Variants in ZSWIM5 observed in about 807,000 individuals in gnomAD.
ZSWIM5 encodes zinc finger SWIM domain-containing protein 5.
A neutral mutation model predicts 119.6 loss-of-function variants in ZSWIM5; 55 were observed. The ratio of observed to expected loss-of-function variants is 0.46; its 90% CI spans 0.37 to 0.58. ZSWIM5 has a LOEUF of 0.58. ZSWIM5 is among the 20% of genes least tolerant of loss of function. The pLI is 0.00. For synonymous variants in ZSWIM5, 537 were observed against 606.9 expected (o/e 0.88, Z 1.69); for missense variants, 1,193 against 1,512.8 (o/e 0.79, Z 3.51).
chr1:45,183,190 T>C (rs1276124504), intron 1 of ZSWIM5, among the ~76,000 whole-genome samples: 1 of 151,224 alleles, frequency 6.6e-6, no homozygotes, highest in Admixed American at 6.6e-5. Context: ...AAGATGTTCT[T>C]TGAAACCAAC....
intron 1 of ZSWIM5, among the ~76,000 whole-genome samples, chr1:45,194,936 G>T (rs949326966): frequency 6.6e-6 from 1 of 151,248 alleles, no homozygotes; most frequent in African/African-American, 2.4e-5. Flanking sequence ...AATCTTTATT[G>T]CAATATTAGA....
In ZSWIM5 at chr1:45,206,360, C is replaced by T; in HGVS notation, c.-10G>A. 7.2e-7 allele frequency: 1 copy of T among 1,384,566 alleles called. No individual in the cohort carries two copies. Among genetic ancestry groups the T allele is most frequent in the Non-Finnish European group, 9.3e-7 (1 of 1,069,962 alleles). The allele number at this position is 1,384,566 out of a possible 1,614,324, so 85.8% of individuals were successfully genotyped here. ...CACCTCCGTCCGCCATTGCTGGGGA[C>T]TGACTGACTGACTGAGGCGGCGGCG... On this transcript the variant is annotated 5_prime_UTR_variant, in exon 1 of 14. Coordinates refer to ENST00000359600, the MANE Select transcript of ZSWIM5 (RefSeq NM_020883.2).
chr1:45,111,380 G>A (rs1645516756), intron 1 of ZSWIM5, among the ~76,000 whole-genome samples: 1 of 152,204 alleles, frequency 6.6e-6, no homozygotes, highest in Non-Finnish European at 1.5e-5. Flanking sequence ...AACAGCAGTG[G>A]GAAGGCCTGG....
intron 2 of ZSWIM5, among the ~76,000 whole-genome samples, chr1:45,074,037 T>C (rs867088106): frequency 9.9e-5 from 15 of 152,154 alleles, no homozygotes; most frequent in South Asian, 2.1e-4. Flanking sequence ...ATCATATTGA[T>C]TGATTTCCAT....
rs180997117 is a variant in ZSWIM5 at position 45,056,159 on chromosome 1, T to G, written c.1252+2450A>C. 1.1e-4 allele frequency among the ~76,000 whole-genome samples: 16 copies of G among 152,032 alleles called. 1 individual carries two copies. Among genetic ancestry groups the G allele is most frequent in the Admixed American group, 9.8e-4 (15 of 15,260 alleles). Reference sequence around the variant, plus strand: ...CAACTGGAGTGGGCTCAAGAAAGAATGGAGGGGAGCAAATGGAAAGAGTGA... The same window carrying G: ...CAACTGGAGTGGGCTCAAGAAAGAAGGGAGGGGAGCAAATGGAAAGAGTGA... On this transcript the variant is annotated intron_variant, in intron 4 of 13. Coordinates refer to ENST00000359600, the MANE Select transcript of ZSWIM5 (RefSeq NM_020883.2).
At chr1:45,140,623 G>A (rs1292531677) in intron 1 of ZSWIM5, among the ~76,000 whole-genome samples, 1 of 152,114 alleles carries the variant, frequency 6.6e-6, no homozygotes, top group Non-Finnish European at 1.5e-5. Context: ...AATAAAAAAG[G>A]CAGAAATTAT....
At position 45,051,302 on chromosome 1, in the gene ZSWIM5, G is replaced by T. The variant is rs768731712; in HGVS notation, c.1253-49C>A. The T allele has an allele frequency of 2.7e-6, 4 of 1,492,328 alleles. No homozygotes were observed. In the East Asian group the frequency reaches 7.2e-5, roughly 27 times the overall value. The allele number at this position is 1,492,328 out of a possible 1,614,324, so 92.4% of individuals were successfully genotyped here. A position where few individuals can be genotyped will look rare whatever the true frequency, so the allele number is the denominator to read the frequency against. On this transcript the variant is annotated intron_variant, in intron 4 of 13. Transcript: ENST00000359600. ...TCTTAACATCTCTCCTTTGATGTGT[G>T]TGTAAGCCTTAATGTTTCAGTTTCA... is the stretch of plus-strand genomic sequence containing the variant.
intron 1 of ZSWIM5, among the ~76,000 whole-genome samples, chr1:45,112,043 A>C (rs921366146): frequency 4.6e-5 from 7 of 152,194 alleles, no homozygotes; most frequent in Admixed American, 2.0e-4. Flanking sequence ...ACACACCATA[A>C]TTGCACATAT....
chr1:45,129,729 T>A (rs1192581234), intron 1 of ZSWIM5, among the ~76,000 whole-genome samples: 1 of 152,084 alleles, frequency 6.6e-6, no homozygotes, highest in East Asian at 1.9e-4. Flanking sequence ...CAAAAAATAA[T>A]ACAAGTAATA....
chr1:45,121,732 ATG>A (rs1352214885), intron 1 of ZSWIM5, among the ~76,000 whole-genome samples: 7 of 151,200 alleles, frequency 4.6e-5, no homozygotes, highest in Admixed American at 6.6e-5. Context: ...AGCTAGGACT[ATG>A]GGTATGTGTC....
In ZSWIM5 at chr1:45,160,580, C is replaced by T. The variant is rs1645857307; in HGVS notation, c.595+45176G>A. Among the ~76,000 whole-genome samples the T allele has an allele frequency of 2.0e-5, 3 of 152,000 alleles. No individual in the cohort carries two copies. The South Asian group carries it at 6.2e-4, about 31-fold the overall frequency. ...TGCTTAATACGATGACCTCCAGCTG[C>T]ACCCATGTTGCTGCAAGTGACAAGA... On this transcript the variant is annotated intron_variant, in intron 1 of 13. Coordinates refer to ENST00000359600, the MANE Select transcript of ZSWIM5 (RefSeq NM_020883.2).
chr1:45,118,737 C>CA (rs60441320), intron 1 of ZSWIM5, among the ~76,000 whole-genome samples: 1,065 of 95,024 alleles, frequency 0.011, 10 homozygotes, highest in East Asian at 0.027. Flanking sequence ...GAACCTGTCT[C>CA]AAAAAAAAAA....
chr1:45,018,968 C>T lies in ZSWIM5; in HGVS notation c.3044G>A (p.Arg1015His), dbSNP rs765952910. Residue 1015 changes from arginine (R) to histidine (H), a missense_variant, in exon 14 of 14, where the codon CGT becomes CAT. Transcript: ENST00000359600. This position sits in a 1 kb window ranked among gnomAD's most constrained non-coding sequence, Gnocchi z 6.7. ...GGCCAATGAGGCCAGCTTGAAGGCA[C>T]GTAGCGGGTAGCCACGGAGCTCCAT... ...RYMELRGYPL[R>H]AFKLASLAMS... The T allele has an allele frequency of 1.9e-5, 30 of 1,614,086 alleles. No individual in the cohort carries two copies. The highest frequency in any genetic ancestry group is 1.7e-4 in the Admixed American group (10 of 60,010).
intron 2 of ZSWIM5, among the ~76,000 whole-genome samples, chr1:45,065,516 T>C (rs1645177749): frequency 6.6e-6 from 1 of 152,146 alleles, no homozygotes; most frequent in Non-Finnish European, 1.5e-5. Flanking sequence ...AGTTTATAAA[T>C]ACCTAGTGTA....
chr1:45,205,610 A>G (rs1646183076), intron 1 of ZSWIM5, 146 bp downstream of exon 1: 17 of 838,436 alleles, frequency 2.0e-5, no homozygotes, highest in Non-Finnish European at 2.8e-5. Context: ...GAAAGGTTGA[A>G]AAAAGTTTTT....
Position 45,166,435 on chromosome 1 carries a change from T to C in ZSWIM5, c.595+39321A>G, listed in dbSNP as rs549744520. Among the ~76,000 whole-genome samples the C allele has an allele frequency of 2.0e-5, 3 of 152,018 alleles. No individual in the cohort carries two copies. The South Asian group carries it at 6.2e-4, about 32-fold the overall frequency. On this transcript the variant is annotated intron_variant, in intron 1 of 13. Coordinates refer to ENST00000359600, the MANE Select transcript of ZSWIM5 (RefSeq NM_020883.2). ...AGACAGGGATGCCCTCTCTCACCAC[T>C]CCTATTCAACATAGTGTTGGAAGTT...
chr1:45,143,926 T>C (rs1258447457), intron 1 of ZSWIM5, among the ~76,000 whole-genome samples: 3 of 150,966 alleles, frequency 2.0e-5, no homozygotes, highest in East Asian at 1.9e-4. Context: ...TATTTAGGTA[T>C]AAGTCTAACA....
chr1:45,157,249 A>G (rs1409637875), intron 1 of ZSWIM5, among the ~76,000 whole-genome samples: 2 of 152,108 alleles, frequency 1.3e-5, no homozygotes, highest in East Asian at 3.8e-4. Flanking sequence ...ATCTTGGCTC[A>G]CTGCAGCCTC....
At chr1:45,162,128 A>G (rs2149041803) in intron 1 of ZSWIM5, among the ~76,000 whole-genome samples, 1 of 152,360 alleles carries the variant, frequency 6.6e-6, no homozygotes, top group South Asian at 2.1e-4. Flanking sequence ...TTGTTATTAA[A>G]AAGATTTTAT....
Sources: allele counts gnomAD v4.1 joint callset (sites outside exome capture counted in the v4.1 genomes callset), GRCh38; gene constraint gnomAD v4.1.1; non-coding constraint Gnocchi (gnomAD v3.1); transcripts MANE v1.5; gene names NCBI Gene and HGNC (gene_info 2026-07-23, HGNC 2026-07-21).